The following RGS7 variants were observed in gnomAD, a reference collection of about 807,000 sequenced individuals.
RGS7 encodes the protein regulator of G protein signaling 7, also known as regulator of G-protein signaling 7.
Under a neutral mutation model 81.1 loss-of-function variants are expected in RGS7, and 27 were observed. The ratio of observed to expected loss-of-function variants is 0.33; its 90% CI spans 0.25 to 0.46. The LOEUF is 0.46. Ranked by LOEUF, RGS7 falls within the 20% of genes least tolerant of loss-of-function variation. The pLI, the probability that RGS7 is intolerant of heterozygous loss-of-function variation, is 1.00. For missense variants in RGS7, 396 were observed against 607.4 expected (o/e 0.65, Z 3.66); for synonymous variants, 208 against 207.7 (o/e 1.00, Z -0.01).
intron 3 of RGS7, among the ~76,000 whole-genome samples, chr1:241,008,930 A>G (rs1460067180): frequency 6.7e-6 from 1 of 150,090 alleles, no homozygotes; most frequent in Non-Finnish European, 1.5e-5. Context: ...AAAAAAAAAA[A>G]AAAAAAGAAA....
At chr1:241,331,101 A>T (rs992088562) in intron 2 of RGS7, among the ~76,000 whole-genome samples, 1 of 152,198 alleles carries the variant, frequency 6.6e-6, no homozygotes, top group African/African-American at 2.4e-5. Flanking sequence ...AAAGCCAACT[A>T]AAGAGGCACT....
chr1:241,233,918 T>G (rs1225811471), intron 2 of RGS7, among the ~76,000 whole-genome samples: 2 of 152,086 alleles, frequency 1.3e-5, no homozygotes, highest in Admixed American at 6.6e-5. Context: ...CCACCATCTG[T>G]CATTCCCTAT....
At chr1:241,071,871 T>C (rs1213323251) in intron 3 of RGS7, among the ~76,000 whole-genome samples, 1 of 4,296 alleles carries the variant, frequency 2.3e-4, no homozygotes, top group Non-Finnish European at 3.4e-4. Context: ...AGTGAGACCC[T>C]GTCAAAAAAA....
At position 240,839,304 on chromosome 1, in the gene RGS7, CA is replaced by C. The variant is rs138237116; in HGVS notation, c.610-12133del. Among the ~76,000 whole-genome samples, 955 of 152,280 alleles carry C rather than the reference CA, an allele frequency of 6.3e-3. 7 individuals carry two copies. The highest frequency in any genetic ancestry group is 0.021 in the African/African-American group (858 of 41,554). The stretch of plus-strand genomic sequence containing the variant: ...CAAATGCTCCTTTGCCACAGGGTCT[CA>C]CATTTTAGCGAATGAACCGATCAAA... On this transcript the variant is annotated intron_variant, in intron 9 of 18. Transcript: ENST00000440928.
chr1:241,182,175 C>G (rs901878478), intron 2 of RGS7, among the ~76,000 whole-genome samples: 4 of 152,164 alleles, frequency 2.6e-5, no homozygotes, highest in African/African-American at 9.7e-5. Flanking sequence ...GAACTGGATC[C>G]CTGCCATCAC....
At chr1:240,911,305 TC>T (rs1185123971) in intron 6 of RGS7, among the ~76,000 whole-genome samples, 4 of 152,176 alleles carry the variant, frequency 2.6e-5, no homozygotes, top group African/African-American at 9.7e-5. Flanking sequence ...GGGAAAGCAG[TC>T]CAAGGTTACT....
At chr1:240,946,109 A>G (rs1330188774) in intron 4 of RGS7, among the ~76,000 whole-genome samples, 1 of 152,224 alleles carries the variant, frequency 6.6e-6, no homozygotes, top group Non-Finnish European at 1.5e-5. Flanking sequence ...GTAATTTTAA[A>G]TACCACAATT....
At chr1:241,184,938 A>G (rs912169462) in intron 2 of RGS7, among the ~76,000 whole-genome samples, 3 of 152,222 alleles carry the variant, frequency 2.0e-5, no homozygotes, top group African/African-American at 7.2e-5. Flanking sequence ...TGAGGAAGTA[A>G]CCTTTGAATT....
intron 4 of RGS7, among the ~76,000 whole-genome samples, chr1:240,948,848 TTA>T (rs914687601): frequency 2.0e-5 from 3 of 149,610 alleles, no homozygotes; most frequent in Admixed American, 6.7e-5. Context: ...TACATATATA[TTA>T]TATATATATA....
intron 6 of RGS7, among the ~76,000 whole-genome samples, chr1:240,888,775 T>TG (rs1667790318): frequency 6.6e-6 from 1 of 152,022 alleles, no homozygotes; most frequent in Non-Finnish European, 1.5e-5. Context: ...ACTTTCTTGG[T>TG]GGAGGCGACA....
intron 18 of RGS7, among the ~76,000 whole-genome samples, chr1:240,785,205 C>T (rs988571357): frequency 3.3e-5 from 5 of 152,142 alleles, no homozygotes; most frequent in African/African-American, 1.2e-4. Flanking sequence ...ACCTGGGTTC[C>T]GTGGCCTTTC....
At chr1:241,222,309 G>A (rs533240158) in intron 2 of RGS7, among the ~76,000 whole-genome samples, 1 of 152,286 alleles carries the variant, frequency 6.6e-6, no homozygotes, top group South Asian at 2.1e-4. Flanking sequence ...TTAAAGCTTT[G>A]AGAAAGTACT....
chr1:240,891,310 T>A (rs1013656985), intron 6 of RGS7, among the ~76,000 whole-genome samples: 1 of 152,200 alleles, frequency 6.6e-6, no homozygotes, highest in Non-Finnish European at 1.5e-5. Flanking sequence ...TGCAACTGAT[T>A]ATCAGTTCTT....
intron 3 of RGS7, among the ~76,000 whole-genome samples, chr1:241,052,306 T>C (rs2061292549): frequency 6.6e-6 from 1 of 152,054 alleles, no homozygotes; most frequent in Non-Finnish European, 1.5e-5. Flanking sequence ...TCAAGGTTGT[T>C]AAGGAGAAAA....
At chr1:240,793,611 A>ATATATATATATATATATATATATTTT in intron 18 of RGS7, among the ~76,000 whole-genome samples, 3 of 78,808 alleles carry the variant, frequency 3.8e-5, no homozygotes, top group Non-Finnish European at 6.0e-5. Context: ...ATATATATAT[A>ATATATATATATATATATATATATTTT]TTTTTTTTTT....
At chr1:241,133,699 T>C (rs1359917326) in intron 2 of RGS7, among the ~76,000 whole-genome samples, 4 of 152,174 alleles carry the variant, frequency 2.6e-5, no homozygotes, top group African/African-American at 7.2e-5. Flanking sequence ...ATTGACACAG[T>C]AGCAACAAGC....
chr1:241,003,648 G>T (rs1209780728), intron 3 of RGS7, among the ~76,000 whole-genome samples: 1 of 152,072 alleles, frequency 6.6e-6, no homozygotes, highest in Admixed American at 6.6e-5. Flanking sequence ...CCTAATTACT[G>T]CAAAAAAGCA....
At chr1:240,781,179 C>G (rs2102966188) in intron 18 of RGS7, among the ~76,000 whole-genome samples, 1 of 152,126 alleles carries the variant, frequency 6.6e-6, no homozygotes, top group Non-Finnish European at 1.5e-5. Context: ...ACTCTTGTCC[C>G]AGGAAATAAT....
intron 2 of RGS7, among the ~76,000 whole-genome samples, chr1:241,148,848 A>G (rs2068540460): frequency 6.6e-6 from 1 of 152,280 alleles, no homozygotes; most frequent in Admixed American, 6.5e-5. Flanking sequence ...ATGCATGTAG[A>G]TTACTGTGTC....
Sources: allele counts gnomAD v4.1 joint callset (sites outside exome capture counted in the v4.1 genomes callset), GRCh38; gene constraint gnomAD v4.1.1; transcripts MANE v1.5; gene names NCBI Gene and HGNC (gene_info 2026-07-23, HGNC 2026-07-21).